The following CPXM2 variants were observed in gnomAD, a reference collection of about 807,000 sequenced individuals.
The protein encoded by CPXM2 is carboxypeptidase X, M14 family member 2.
CPXM2 carries 66 observed loss-of-function variants against 86.1 expected under a neutral mutation model. The observed-to-expected ratio is 0.77, with a 90% confidence interval of 0.63 to 0.94. The LOEUF (loss-of-function observed/expected upper bound fraction) is 0.94, where lower values mean the gene tolerates loss of function less well. CPXM2 is among the 40% of genes least tolerant of loss of function. The pLI is 0.00. For synonymous variants in CPXM2, 388 were observed against 400.2 expected, an observed-to-expected ratio of 0.97 and a Z score of 0.36; for missense variants, 948 against 1,026.3, an observed-to-expected ratio of 0.92 and a Z score of 1.04.
intron 2 of CPXM2, among the ~76,000 whole-genome samples, chr10:123,938,538 G>A (rs1253336500): frequency 6.6e-6 from 1 of 152,172 alleles, no homozygotes; most frequent in Non-Finnish European, 1.5e-5. Flanking sequence ...AGTCTCCCAG[G>A]AGATGTCTTC....
chr10:123,868,068 T>C (rs755590980), intron 2 of CPXM2, among the ~76,000 whole-genome samples: 3 of 152,096 alleles, frequency 2.0e-5, no homozygotes, highest in Non-Finnish European at 4.4e-5. Flanking sequence ...GGTAAAACAT[T>C]TGAAAACATC....
intron 2 of CPXM2, among the ~76,000 whole-genome samples, chr10:123,924,513 T>A (rs528861039): frequency 6.6e-6 from 1 of 152,226 alleles, no homozygotes; most frequent in African/African-American, 2.4e-5. Flanking sequence ...AGGATGAGGA[T>A]TGAAAGAGTC....
intron 3 of CPXM2, among the ~76,000 whole-genome samples, chr10:123,850,490 A>C (rs544903779): frequency 4.9e-4 from 74 of 152,308 alleles, no homozygotes; most frequent in African/African-American, 1.7e-3. Flanking sequence ...CTCACCATCC[A>C]ACGTTGATGT....
chr10:123,812,845 A>T (rs1294460065), intron 4 of CPXM2, among the ~76,000 whole-genome samples: 1 of 151,848 alleles, frequency 6.6e-6, no homozygotes, highest in African/African-American at 2.4e-5. Context: ...CATCCCCACC[A>T]TCTGTATAAA....
chr10:123,914,521 C>G (rs1040583632), intron 2 of CPXM2, among the ~76,000 whole-genome samples: 2 of 152,136 alleles, frequency 1.3e-5, no homozygotes, highest in African/African-American at 4.8e-5. Flanking sequence ...GATGCTGCCT[C>G]CAGGTCCCAA....
intron 2 of CPXM2, among the ~76,000 whole-genome samples, chr10:123,899,040 G>A (rs963393685): frequency 4.6e-5 from 7 of 152,184 alleles, no homozygotes; most frequent in African/African-American, 9.7e-5. Flanking sequence ...ACCCGCCACC[G>A]CACCCGGCCT....
chr10:123,940,605 G>A (rs1441526084), upstream of CPXM2, among the ~76,000 whole-genome samples: 2 of 152,150 alleles, frequency 1.3e-5, no homozygotes, highest in Non-Finnish European at 2.9e-5. Flanking sequence ...CTTGGGGGAC[G>A]CCTCAACACC....
chr10:123,860,477 A>G (rs917411920), intron 3 of CPXM2, among the ~76,000 whole-genome samples: 2 of 152,372 alleles, frequency 1.3e-5, no homozygotes, highest in Admixed American at 6.5e-5. Context: ...GGACAAAAAC[A>G]CCACGCTCCC....
upstream of CPXM2, among the ~76,000 whole-genome samples, chr10:123,895,502 A>G (rs547422379): frequency 1.3e-5 from 2 of 152,194 alleles, no homozygotes; most frequent in Non-Finnish European, 2.9e-5. Flanking sequence ...TGCATCTTCC[A>G]CAGAAACCAA....
chr10:123,826,025 T>C (rs755297983), intron 4 of CPXM2, among the ~76,000 whole-genome samples: 6 of 152,194 alleles, frequency 3.9e-5, no homozygotes, highest in Non-Finnish European at 7.4e-5. Context: ...CAGCAATCAG[T>C]ACAAACATCT....
At chr10:123,792,749 G>C (rs1847234363) in intron 6 of CPXM2, among the ~76,000 whole-genome samples, 1 of 152,206 alleles carries the variant, frequency 6.6e-6, no homozygotes, top group Non-Finnish European at 1.5e-5. Flanking sequence ...GTTATCCCCA[G>C]ACCTTCTGCA....
chr10:123,902,584 A>T (rs1330485210), intron 2 of CPXM2, among the ~76,000 whole-genome samples: 1 of 152,174 alleles, frequency 6.6e-6, no homozygotes. Flanking sequence ...GAGTCTGGTG[A>T]GGGCCCATTT....
intron 2 of CPXM2, among the ~76,000 whole-genome samples, chr10:123,916,858 G>A (rs1945537573): frequency 6.6e-6 from 1 of 151,606 alleles, no homozygotes; most frequent in Admixed American, 6.6e-5. Context: ...GCTCACCACA[G>A]CTTGGAACTC....
chr10:123,856,667 C>G (rs1210290545), intron 3 of CPXM2, among the ~76,000 whole-genome samples: 1 of 152,096 alleles, frequency 6.6e-6, no homozygotes, highest in Non-Finnish European at 1.5e-5. Context: ...TCATGGCTCA[C>G]TGCAACCTCA....
upstream of CPXM2, among the ~76,000 whole-genome samples, chr10:123,941,640 T>C (rs2134296602): frequency 6.6e-6 from 1 of 152,378 alleles, no homozygotes; most frequent in African/African-American, 2.4e-5. Flanking sequence ...ACATTGTTTT[T>C]ATGTTTAACC....
intron 12 of CPXM2, among the ~76,000 whole-genome samples, chr10:123,755,779 A>G (rs1165605703): frequency 6.6e-6 from 1 of 152,198 alleles, no homozygotes; most frequent in East Asian, 1.9e-4. Context: ...ATCATTACCA[A>G]TGACTTTACG....
At chr10:123,776,953 A>G (rs1277397582) in intron 7 of CPXM2, 1 of 152,166 alleles carries the variant, frequency 6.6e-6, no homozygotes, top group Non-Finnish European at 1.5e-5. Context: ...GAGAAGAGGA[A>G]AGTTCTCTTC....
At chr10:123,844,779 C>T (rs1285366659) in intron 3 of CPXM2, among the ~76,000 whole-genome samples, 1 of 152,018 alleles carries the variant, frequency 6.6e-6, no homozygotes, top group Non-Finnish European at 1.5e-5. Flanking sequence ...GAAGTGCAAA[C>T]GTCAAAACAG....
intron 6 of CPXM2, among the ~76,000 whole-genome samples, chr10:123,794,578 T>C (rs764745077): frequency 6.6e-6 from 1 of 152,188 alleles, no homozygotes; most frequent in Non-Finnish European, 1.5e-5. Flanking sequence ...CTTTTTTTTA[T>C]TGTTAAAATT....
Sources: gnomAD v4.1 joint callset for allele counts (sites outside exome capture counted in the v4.1 genomes callset) on GRCh38, gnomAD v4.1.1 for gene constraint, MANE v1.5 for transcripts, NCBI Gene and HGNC (gene_info 2026-07-23, HGNC 2026-07-21) for gene names.